ZNF611: variants seen among roughly 807,000 people sequenced by gnomAD.
ZNF611 encodes the protein zinc finger protein 611.
ZNF611 carries 6 observed loss-of-function variants against 8.9 expected under a neutral mutation model. The ratio of observed to expected loss-of-function variants is 0.68; its 90% CI spans 0.37 to 1.34. The LOEUF (loss-of-function observed/expected upper bound fraction) is 1.34, where lower values mean the gene tolerates loss of function less well. Ranked by LOEUF, ZNF611 falls within the 40% of genes most tolerant of loss-of-function variation. The probability of loss-of-function intolerance (pLI) is 0.02; values close to 1 mark genes in which losing one functional copy is unlikely to be tolerated. For synonymous variants in ZNF611, 262 were observed against 279.7 expected (o/e 0.94, Z 0.63); for missense variants, 874 against 841.3 (o/e 1.04, Z -0.48).
chr19:52,712,633 G>T (rs74722251), intron 5 of ZNF611, among the ~76,000 whole-genome samples: 1 of 137,258 alleles, frequency 7.3e-6, no homozygotes, highest in Admixed American at 7.5e-5. Flanking sequence ...GCAATACTCC[G>T]TCTGAAAAAA....
intron 4 of ZNF611, 41 bp from the exon 5 acceptor site, chr19:52,714,182 A>T (rs573258636): frequency 5.3e-5 from 85 of 1,607,472 alleles, no homozygotes; most frequent in East Asian, 4.2e-4. Flanking sequence ...TTATGGAGTA[A>T]TGAGTTATCA....
chr19:52,730,994 G>T (rs1009299321), intron 1 of ZNF611, among the ~76,000 whole-genome samples: 3 of 151,908 alleles, frequency 2.0e-5, no homozygotes, highest in African/African-American at 7.3e-5. Context: ...GGAGTGTAGT[G>T]GCATGATTCT....
chr19:52,720,062 C>CAA (rs34159769), intron 3 of ZNF611, among the ~76,000 whole-genome samples: 4 of 151,874 alleles, frequency 2.6e-5, no homozygotes, highest in Non-Finnish European at 4.4e-5. Flanking sequence ...TGACACAGCA[C>CAA]GTTTCAGAGA....
At chr19:52,718,082 C>T (rs1035432309) in intron 3 of ZNF611, among the ~76,000 whole-genome samples, 9 of 152,056 alleles carry the variant, frequency 5.9e-5, no homozygotes, top group African/African-American at 1.9e-4. Context: ...CATGGTGACA[C>T]GCCTATAATC....
chr19:52,719,922 G>A (rs1222174512), intron 3 of ZNF611, among the ~76,000 whole-genome samples: 2 of 152,186 alleles, frequency 1.3e-5, no homozygotes, highest in African/African-American at 2.4e-5. Context: ...GCGGCCTTCC[G>A]CAGTGTTTGT....
rs2062217959 is a variant in ZNF611 at position 52,703,464 on chromosome 19, T to C, written c.*1473A>G. 6.6e-6 allele frequency: 1 copy of C among 152,042 alleles called. No individual in the cohort carries two copies. The highest frequency in any genetic ancestry group is 6.6e-5 in the Admixed American group (1 of 15,246). 9.4% of individuals were successfully genotyped at this position (152,042 alleles called of 1,614,324 possible). ...CCCCGGCTAACTTTTGTATTTTTAG[T>C]AGAGATGGGGTTTCACCATGTTAGG... On this transcript the variant is annotated 3_prime_UTR_variant, in exon 6 of 6. Coordinates refer to ENST00000652185, the MANE Select transcript of ZNF611 (RefSeq NM_001161499.2).
intron 5 of ZNF611, 142 bp from the exon 6 acceptor site, chr19:52,707,006 A>G (rs1171097475): frequency 2.9e-5 from 39 of 1,352,492 alleles, no homozygotes; most frequent in Non-Finnish European, 3.7e-5. Context: ...CGAAAGGAGC[A>G]ATATTCTTTA....
At chr19:52,715,426 C>T (rs2062309943) in intron 4 of ZNF611, among the ~76,000 whole-genome samples, 1 of 152,200 alleles carries the variant, frequency 6.6e-6, no homozygotes, top group Non-Finnish European at 1.5e-5. Flanking sequence ...GATACAAAAT[C>T]TCTCTCCTTA....
At chr19:52,727,523 T>A (rs569807916) in intron 3 of ZNF611, among the ~76,000 whole-genome samples, 2 of 152,290 alleles carry the variant, frequency 1.3e-5, no homozygotes, top group South Asian at 2.1e-4. Flanking sequence ...ACTAGCTTCA[T>A]CCCGAGGCAG....
chr19:52,722,757 G>T lies in ZNF611; in HGVS notation c.-20+5973C>A, dbSNP rs367915339. On this transcript the variant is annotated intron_variant, in intron 3 of 5. Coordinates refer to ENST00000652185, the MANE Select transcript of ZNF611 (RefSeq NM_001161499.2). ...CACCCTTTTTTTCTTTTAAAACAGG[G>T]TCTTGCTCTTTTCACCAGGCTGGAG... Among the ~76,000 whole-genome samples, 552 of 152,146 alleles carry T rather than the reference G, an allele frequency of 3.6e-3. 7 individuals are homozygous for T. The highest frequency in any genetic ancestry group is 0.013 in the African/African-American group (532 of 41,516).
At chr19:52,727,700 T>C in intron 3 of ZNF611, among the ~76,000 whole-genome samples, 1 of 152,158 alleles carries the variant, frequency 6.6e-6, no homozygotes, top group Non-Finnish European at 1.5e-5. Context: ...TATCAATGTA[T>C]TGGGATTACA....
rs1264613842 is a variant in ZNF611, at chr19:52,706,793, C to G, written c.262G>C (p.Gly88Arg). Reference protein sequence around the residue: ...GQGNTEVIHTGTLQRHESHHI... With the variant: ...GQGNTEVIHTRTLQRHESHHI... Reference sequence around the variant, plus strand: ...TGACTTTCATGTCTTTGCAATGTCCCTGTGTGGATCACTTCTGTATTGCCT... The same window carrying G: ...TGACTTTCATGTCTTTGCAATGTCCGTGTGTGGATCACTTCTGTATTGCCT... Residue 88 changes from glycine to arginine, a missense_variant, in exon 6 of 6, where the codon GGG becomes CGG. Transcript: ENST00000652185. 1 of 1,613,722 alleles carries G rather than the reference C, an allele frequency of 6.2e-7. No homozygotes were observed. The highest frequency in any genetic ancestry group is 1.3e-5 in the African/African-American group (1 of 74,902).
At chr19:52,708,104 AG>A (rs1384811721) in intron 5 of ZNF611, 1 of 152,198 alleles carries the variant, frequency 6.6e-6, no homozygotes, top group South Asian at 2.1e-4. Flanking sequence ...CTCCCTCTTA[AG>A]AAAAAAGCCA....
intron 1 of ZNF611, 107 bp downstream of exon 1, chr19:52,734,894 G>A (rs2062447955): frequency 6.6e-6 from 1 of 152,374 alleles, no homozygotes; most frequent in African/African-American, 2.4e-5. Context: ...TCTGGGCAAA[G>A]GAAGACGCCG....
chr19:52,728,540 G>C (rs972202602), intron 3 of ZNF611, among the ~76,000 whole-genome samples, 190 bp downstream of exon 3: 2 of 150,848 alleles, frequency 1.3e-5, no homozygotes, highest in Non-Finnish European at 2.9e-5. Flanking sequence ...CTCCATGTCC[G>C]AGAAAGAAAA....
chr19:52,711,483 T>C (rs1452052928), intron 5 of ZNF611, among the ~76,000 whole-genome samples: 14 of 152,180 alleles, frequency 9.2e-5, no homozygotes, highest in African/African-American at 2.4e-5. Context: ...GACTTGATCC[T>C]GGGCATGAAG....
intron 3 of ZNF611, among the ~76,000 whole-genome samples, chr19:52,726,884 G>A (rs914008164): frequency 1.3e-5 from 2 of 151,728 alleles, no homozygotes; most frequent in African/African-American, 4.8e-5. Context: ...TTTTACTTTT[G>A]AGACAGAGTA....
rs1213717817 is a variant in ZNF611 at position 52,705,686 on chromosome 19, T to C, written c.1369A>G (p.Lys457Glu). The C allele has an allele frequency of 6.2e-7, 1 of 1,613,870 alleles. No homozygotes were observed. Among genetic ancestry groups the C allele is most frequent in the Non-Finnish European group, 8.5e-7 (1 of 1,179,912 alleles). ...CACACAAAAGCCTTGTCACAAACCTTACATTTGTAAGATTTCTCTCCACCA... is the reference window on the plus strand; with the variant it reads ...CACACAAAAGCCTTGTCACAAACCTCACATTTGTAAGATTTCTCTCCACCA... ...LHGGEKSYKC[K>E]VCDKAFVWSS... The change falls in exon 6 of 6, where the codon AAG becomes GAG. Residue 457 changes from lysine to glutamate, a missense_variant. Physicochemically the swap from Lys to Glu is moderately conservative, Grantham distance 56. Coordinates refer to ENST00000652185, the MANE Select transcript of ZNF611 (RefSeq NM_001161499.2).
chr19:52,722,736 CTTTT>C (rs892564531), intron 3 of ZNF611, among the ~76,000 whole-genome samples: 33 of 152,094 alleles, frequency 2.2e-4, no homozygotes, highest in African/African-American at 7.5e-4. Flanking sequence ...GTCCCCCACC[CTTTT>C]TTTCTTTTAA....
Sources: gnomAD v4.1 joint callset for allele counts (sites outside exome capture counted in the v4.1 genomes callset) on GRCh38, gnomAD v4.1.1 for gene constraint, MANE v1.5 for transcripts, NCBI Gene and HGNC (gene_info 2026-07-23, HGNC 2026-07-21) for gene names.